The following SLC6A5 variants were observed in gnomAD, a reference collection of about 807,000 sequenced individuals.
The protein encoded by SLC6A5 is solute carrier family 6 member 5, also known as sodium- and chloride-dependent glycine transporter 2.
In SLC6A5, 58 loss-of-function variants were observed where a neutral mutation model predicts 90.5. The ratio of observed to expected loss-of-function variants is 0.64; its 90% CI spans 0.52 to 0.80. The LOEUF is 0.80. SLC6A5 is among the 30% of genes least tolerant of loss of function. The probability of loss-of-function intolerance (pLI) is 0.00; values close to 1 mark genes in which losing one functional copy is unlikely to be tolerated. For synonymous variants in SLC6A5, 427 were observed against 401.4 expected, an observed-to-expected ratio of 1.06 and a Z score of -0.76; for missense variants, 1,015 against 1,017.6, an observed-to-expected ratio of 1.00 and a Z score of 0.03.
chr11:20,649,679 T>C (rs897521779), intron 14 of SLC6A5, among the ~76,000 whole-genome samples: 1 of 152,214 alleles, frequency 6.6e-6, no homozygotes, highest in Admixed American at 6.5e-5. Flanking sequence ...TATATATGCC[T>C]TCATGGATTT....
chr11:20,655,323 C>T lies in SLC6A5; in HGVS notation c.*455C>T. On this transcript the variant is annotated 3_prime_UTR_variant, in exon 16 of 16. Coordinates refer to ENST00000525748, the MANE Select transcript of SLC6A5 (RefSeq NM_004211.5). Reference sequence around the variant, plus strand: ...TTGTTCAGACACACAAAGTTCAAGACAGGTTTTTTTTTTTTTCAGAGAGTT... The same window carrying T: ...TTGTTCAGACACACAAAGTTCAAGATAGGTTTTTTTTTTTTTCAGAGAGTT... 4.7e-6 allele frequency: 1 copy of T among 211,926 alleles called. No individual in the cohort carries two copies. Among genetic ancestry groups the T allele is most frequent in the Non-Finnish European group, 9.6e-6 (1 of 104,030 alleles). The allele number at this position is 211,926 out of a possible 1,614,324, so 13.1% of individuals were successfully genotyped here.
intron 9 of SLC6A5, chr11:20,629,203 C>G (rs1438827508): frequency 6.6e-6 from 1 of 152,200 alleles, no homozygotes; most frequent in Admixed American, 6.5e-5. Context: ...GCAGCAGGCT[C>G]TGCGATGAAG....
At chr11:20,601,754 T>C in intron 2 of SLC6A5, 89 bp downstream of exon 2, 1 of 1,399,470 alleles carries the variant, frequency 7.1e-7, no homozygotes, top group Non-Finnish European at 9.9e-7. Flanking sequence ...GCACGTATGC[T>C]GATGGGGAAA....
chr11:20,610,080 T>A (rs1266656512), intron 5 of SLC6A5, among the ~76,000 whole-genome samples: 1 of 152,254 alleles, frequency 6.6e-6, no homozygotes, highest in Non-Finnish European at 1.5e-5. Flanking sequence ...CAACTTTTAA[T>A]TAAATGATTC....
rs868285411 is a variant in SLC6A5, at chr11:20,645,572, C to T, written c.1970-1262C>T. Among the ~76,000 whole-genome samples the T allele has an allele frequency of 6.4e-4, 97 of 151,192 alleles. 1 individual carries two copies. Among genetic ancestry groups the T allele is most frequent in the Middle Eastern group, 3.5e-3 (1 of 282 alleles). On this transcript the variant is annotated intron_variant, in intron 13 of 15. Transcript: ENST00000525748. ...TTGATGGGAGGAGATGTTGGTATGT[C>T]CCTCTTGACCTGCAGGTACCCACTT...
intron 7 of SLC6A5, among the ~76,000 whole-genome samples, chr11:20,625,861 A>G (rs1225597860): frequency 6.6e-6 from 1 of 152,142 alleles, no homozygotes; most frequent in Non-Finnish European, 1.5e-5. Context: ...GTTGGGCACA[A>G]TGCCCTTCCC....
intron 7 of SLC6A5, 69 bp downstream of exon 7, chr11:20,617,953 A>G (rs1025965791): frequency 5.4e-6 from 8 of 1,489,582 alleles, no homozygotes; most frequent in Non-Finnish European, 6.5e-6. Flanking sequence ...GGGAGCAGGC[A>G]GAGCACTGGA....
intron 15 of SLC6A5, 67 bp downstream of exon 15, chr11:20,652,523 TAAAAAAC>T: frequency 6.8e-7 from 1 of 1,464,818 alleles, no homozygotes; most frequent in Non-Finnish European, 9.6e-7. Context: ...CTCTGCATGT[TAAAAAAC>T]AAAAGATTCG....
chr11:20,607,165 C>T lies in SLC6A5; in HGVS notation c.811+27C>T, dbSNP rs1294417838. 4.4e-6 allele frequency: 7 copies of T among 1,588,424 alleles called. No homozygotes were observed. The South Asian group carries it at 4.5e-5, about 10-fold the overall frequency. ...TGAGTCCAGCCTGCCGCTCAGCCTC[C>T]TCAGGCCCTTTCTTACTCTGTCCCC... On this transcript the variant is annotated intron_variant, in intron 4 of 15. Coordinates refer to ENST00000525748, the MANE Select transcript of SLC6A5 (RefSeq NM_004211.5).
intron 9 of SLC6A5, among the ~76,000 whole-genome samples, chr11:20,628,662 G>C (rs1268957436): frequency 6.6e-6 from 1 of 152,186 alleles, no homozygotes; most frequent in African/African-American, 2.4e-5. Flanking sequence ...AAATGACCTT[G>C]AGTAACAGAC....
intron 13 of SLC6A5, among the ~76,000 whole-genome samples, chr11:20,641,531 A>G (rs934767452): frequency 6.6e-6 from 1 of 151,982 alleles, no homozygotes; most frequent in Non-Finnish European, 1.5e-5. Context: ...AATAAACTGT[A>G]CCCCTGAAAT....
Position 20,652,330 on chromosome 11 carries a change from C to T in SLC6A5, c.2112C>T (p.Thr704=), listed in dbSNP as rs1251486699. The T allele has an allele frequency of 6.2e-7, 1 of 1,614,152 alleles. No individual in the cohort carries two copies. The highest frequency in any genetic ancestry group is 1.7e-5 in the Admixed American group (1 of 60,032). ...CFSFYQWEPM[T]YGSYRYPNWS... ...GCTTTTACCAGTGGGAGCCCATGAC[C>T]TATGGCTCTTACCGCTATCCTAACT... Residue 704 remains threonine (T), a synonymous_variant, in exon 15 of 16, where the codon ACC becomes ACT. Coordinates refer to ENST00000525748, the MANE Select transcript of SLC6A5 (RefSeq NM_004211.5).
chr11:20,646,731 C>A (rs1590180976), intron 13 of SLC6A5, 103 bp from the exon 14 acceptor site: 1 of 799,712 alleles, frequency 1.3e-6, no homozygotes, highest in Non-Finnish European at 2.2e-6. Context: ...GGGGCCAGCC[C>A]TAGCCAATGG....
chr11:20,622,166 A>C (rs942388513), intron 7 of SLC6A5, among the ~76,000 whole-genome samples: 1 of 152,156 alleles, frequency 6.6e-6, no homozygotes, highest in Non-Finnish European at 1.5e-5. Flanking sequence ...TGCATTCTGA[A>C]TCTCCCCTGA....
intron 5 of SLC6A5, among the ~76,000 whole-genome samples, chr11:20,608,858 C>T (rs1852632661): frequency 6.6e-6 from 1 of 151,644 alleles, no homozygotes; most frequent in Non-Finnish European, 1.5e-5. Context: ...AGAGAGATGA[C>T]ATTTTTTTCT....
intron 4 of SLC6A5, 105 bp from the exon 5 acceptor site, chr11:20,607,374 A>G (rs1852603887): frequency 3.7e-6 from 5 of 1,343,084 alleles, no homozygotes; most frequent in Non-Finnish European, 4.3e-6. Flanking sequence ...TAGTGCATCC[A>G]TTCTGTACAA....
chr11:20,651,474 A>G (rs1853530721), intron 14 of SLC6A5, among the ~76,000 whole-genome samples: 1 of 149,732 alleles, frequency 6.7e-6, no homozygotes, highest in Non-Finnish European at 1.5e-5. Flanking sequence ...GGGTTTGACC[A>G]TGTTGGCTAG....
In SLC6A5 at chr11:20,636,373, C is replaced by T. The variant is rs2133808511; in HGVS notation, c.1691C>T (p.Ala564Val). The stretch of plus-strand genomic sequence containing the variant: ...AGGCTGCCTCTCTCTCCGTTCTGGG[C>T]CATCATCTTTTTCCTGATGCTCCTC... ...LTRLPLSPFW[A>V]IIFFLMLLTL... is the part of the protein sequence containing the mutation. Residue 564 changes from alanine to valine, a missense_variant, in exon 11 of 16, where the codon GCC becomes GTC. This residue lies in a region of SLC6A5 where 442 missense variants were observed against 494.3 expected (regional missense o/e 0.89). Coordinates refer to ENST00000525748, the MANE Select transcript of SLC6A5 (RefSeq NM_004211.5). The T allele has an allele frequency of 6.2e-7, 1 of 1,613,790 alleles. No individual in the cohort carries two copies. Among genetic ancestry groups the T allele is most frequent in the Non-Finnish European group, 8.5e-7 (1 of 1,179,700 alleles).
intron 7 of SLC6A5, among the ~76,000 whole-genome samples, chr11:20,619,224 G>A (rs1296038680): frequency 1.3e-5 from 2 of 152,156 alleles, no homozygotes; most frequent in African/African-American, 2.4e-5. Context: ...GGGTCTCATC[G>A]GGAGGGTAGT....
Sources: gnomAD v4.1 joint callset for allele counts (sites outside exome capture counted in the v4.1 genomes callset) on GRCh38, gnomAD v4.1.1 for gene constraint, gnomAD v4.1.1 regional missense constraint, MANE v1.5 for transcripts, NCBI Gene and HGNC (gene_info 2026-07-23, HGNC 2026-07-21) for gene names.